IQSEC1: variants seen among roughly 807,000 people sequenced by gnomAD.
The protein encoded by IQSEC1 is IQ motif and Sec7 domain ArfGEF 1, also known as IQ motif and SEC7 domain-containing protein 1.
A neutral mutation model predicts 91.0 loss-of-function variants in IQSEC1; 31 were observed. The observed-to-expected ratio is 0.34, with a 90% CI of 0.26 to 0.46. The LOEUF is 0.46. Ranked by LOEUF, IQSEC1 falls within the 20% of genes least tolerant of loss-of-function variation. The probability of loss-of-function intolerance (pLI) is 1.00; values close to 1 mark genes in which losing one functional copy is unlikely to be tolerated. For missense variants in IQSEC1, 1,388 were observed against 1,575.6 expected (o/e 0.88, Z 2.02); for synonymous variants, 699 against 662.6 (o/e 1.05, Z -0.84).
At chr3:12,952,651 C>T (rs1221507687) in intron 1 of IQSEC1, among the ~76,000 whole-genome samples, 1 of 152,216 alleles carries the variant, frequency 6.6e-6, no homozygotes, top group Non-Finnish European at 1.5e-5. Flanking sequence ...CCTCTGAACC[C>T]CCTGGCCACT....
intron 2 of IQSEC1, among the ~76,000 whole-genome samples, chr3:13,107,080 G>A (rs1037500581): frequency 1.8e-4 from 27 of 152,208 alleles, no homozygotes; most frequent in Middle Eastern, 3.2e-3. Context: ...AACCCTGGCC[G>A]TATCTCATGG....
intron 1 of IQSEC1, among the ~76,000 whole-genome samples, chr3:13,175,734 C>G (rs140446621): frequency 6.5e-4 from 99 of 152,360 alleles, no homozygotes; most frequent in South Asian, 1.9e-3. Context: ...CCCCTAGATT[C>G]GGGATCTGGC....
chr3:13,272,107 T>C (rs914185595), intron 1 of IQSEC1, among the ~76,000 whole-genome samples: 1 of 152,182 alleles, frequency 6.6e-6, no homozygotes, highest in Admixed American at 6.5e-5. Context: ...CAAAACGGAC[T>C]GAAACTAAGA....
In IQSEC1 at chr3:13,066,131, G is replaced by T. The variant is rs141749687; in HGVS notation, c.23+6861C>A. On this transcript the variant is annotated intron_variant, in intron 1 of 13. Transcript: ENST00000613206. ...AGCACAGAGCCCTGTTTGGGAAAGT[G>T]AAGTTCTGGAGATGGATGCTGTGTT... Among the ~76,000 whole-genome samples, 562 of 152,320 alleles carry T rather than the reference G, an allele frequency of 3.7e-3. 1 individual carries two copies. Among genetic ancestry groups the T allele is most frequent in the African/African-American group, 0.013 (539 of 41,554 alleles).
At chr3:13,083,422 C>T (rs1273377963) in intron 2 of IQSEC1, among the ~76,000 whole-genome samples, 1 of 152,276 alleles carries the variant, frequency 6.6e-6, no homozygotes, top group East Asian at 1.9e-4. Context: ...CTGCCACTCA[C>T]CTGCTGTGTG....
chr3:12,986,367 G>A (rs575080208), intron 1 of IQSEC1, among the ~76,000 whole-genome samples: 19 of 152,336 alleles, frequency 1.2e-4, no homozygotes, highest in African/African-American at 4.1e-4. Flanking sequence ...TTCCCCGGGG[G>A]CCAGGAGCAG....
rs1233740061 is a variant in IQSEC1, at chr3:12,909,781, T to G, written c.2417-347A>C. On this transcript the variant is annotated intron_variant, in intron 10 of 13. Coordinates refer to ENST00000613206, the MANE Select transcript of IQSEC1 (RefSeq NM_001134382.3). The surrounding 1 kb of genome is among the most constrained non-coding windows in gnomAD (Gnocchi z 4.9). ...CTGGACAGCAGTGAGCGCCATATTCTCCCGAATGGCCTGTGGCCCACAGCT... is the reference window on the plus strand; with the variant it reads ...CTGGACAGCAGTGAGCGCCATATTCGCCCGAATGGCCTGTGGCCCACAGCT... Among the ~76,000 whole-genome samples, 4 of 152,192 alleles carry G rather than the reference T, an allele frequency of 2.6e-5. No individual in the cohort carries two copies. Among genetic ancestry groups the G allele is most frequent in the Non-Finnish European group, 4.4e-5 (3 of 68,024 alleles).
chr3:12,956,857 G>T (rs2570000), intron 1 of IQSEC1, among the ~76,000 whole-genome samples: 77,663 of 152,004 alleles, frequency 0.51, 20,412 homozygotes, highest in Non-Finnish European at 0.54. Flanking sequence ...GGGCTTCTGT[G>T]GTCTCATCTT....
chr3:12,936,536 G>A lies in IQSEC1; in HGVS notation c.480C>T (p.Asn160=). The change falls in exon 3 of 14, where the codon AAC becomes AAT. Residue 160 remains asparagine, a synonymous_variant. Transcript: ENST00000613206. The part of the protein sequence containing the change: ...NRMSRRIVLS[N]MRMQFSFEGP... The stretch of plus-strand genomic sequence containing the variant: ...CCTCAAAGGAGAACTGCATCCTCAT[G>A]TTGGACAGCACAATCCGGCGTGACA... The A allele has an allele frequency of 1.2e-6, 2 of 1,613,500 alleles. No individual in the cohort carries two copies. Among genetic ancestry groups the A allele is most frequent in the Non-Finnish European group, 1.7e-6 (2 of 1,180,030 alleles).
chr3:12,936,752 T>C, intron 2 of IQSEC1, 55 bp from the exon 3 acceptor site: 4 of 1,452,146 alleles, frequency 2.8e-6, no homozygotes, highest in Non-Finnish European at 3.7e-6. Context: ...CAGTGCGACA[T>C]TTACCAAACT....
chr3:13,107,324 A>T (rs1481266931), intron 2 of IQSEC1, among the ~76,000 whole-genome samples: 1 of 152,228 alleles, frequency 6.6e-6, no homozygotes, highest in Non-Finnish European at 1.5e-5. Flanking sequence ...TAAATTATTC[A>T]GGCAAGTTAA....
At chr3:13,269,230 C>T (rs1039826847) in intron 1 of IQSEC1, among the ~76,000 whole-genome samples, 3 of 152,188 alleles carry the variant, frequency 2.0e-5, no homozygotes, top group South Asian at 2.1e-4. Flanking sequence ...CAGGGCAGGA[C>T]GACAGCCAGG....
intron 3 of IQSEC1, among the ~76,000 whole-genome samples, chr3:12,932,255 T>G (rs1288921476): frequency 6.6e-6 from 1 of 152,184 alleles, no homozygotes; most frequent in African/African-American, 2.4e-5. Flanking sequence ...CAGGGCTGCA[T>G]GGCGTCCCAC....
rs1645514565 is a variant in IQSEC1, at chr3:12,935,724, A to G, written c.1292T>C (p.Leu431Pro). The G allele has an allele frequency of 6.2e-7, 1 of 1,611,950 alleles. No homozygotes were observed. The highest frequency in any genetic ancestry group is 1.1e-5 in the South Asian group (1 of 91,072). ...GCCATTGATGGCCAAGTGGCTGTCC[A>G]GGGGCCTGGGGGGCCGGGGCCGCAA... Reference protein sequence around the residue: ...PELRPRPPRPLDSHLAINGSA... With the variant: ...PELRPRPPRPPDSHLAINGSA... The change falls in exon 3 of 14, where the codon CTG (leucine) becomes CCG (proline). Residue 431 changes from leucine (L) to proline (P), a missense_variant. Coordinates refer to ENST00000613206, the MANE Select transcript of IQSEC1 (RefSeq NM_001134382.3). The surrounding 1 kb of genome is among the most constrained non-coding windows in gnomAD (Gnocchi z 8.0).
intron 1 of IQSEC1, among the ~76,000 whole-genome samples, chr3:13,233,945 T>C (rs922137966): frequency 2.0e-5 from 3 of 152,278 alleles, no homozygotes; most frequent in Non-Finnish European, 2.9e-5. Flanking sequence ...ATGTGCAAAC[T>C]GTTCAGACAA....
intron 12 of IQSEC1, among the ~76,000 whole-genome samples, chr3:12,907,934 G>T (rs192545971): frequency 6.6e-6 from 1 of 152,148 alleles, no homozygotes; most frequent in East Asian, 1.9e-4. Context: ...GCAAGGGGGC[G>T]CCAGACAGAT....
chr3:13,276,546 T>C (rs1165902454), intron 1 of IQSEC1, among the ~76,000 whole-genome samples: 2 of 152,108 alleles, frequency 1.3e-5, no homozygotes, highest in African/African-American at 4.8e-5. Context: ...GGGCTGTTAC[T>C]TGGAAAGTCC....
intron 1 of IQSEC1, among the ~76,000 whole-genome samples, chr3:13,268,773 T>C (rs894710006): frequency 6.6e-6 from 1 of 152,196 alleles, no homozygotes; most frequent in Non-Finnish European, 1.5e-5. Flanking sequence ...GTCGATTCAT[T>C]CAAAATATGT....
At chr3:13,118,070 A>G (rs1476621646) in intron 2 of IQSEC1, among the ~76,000 whole-genome samples, 4 of 152,190 alleles carry the variant, frequency 2.6e-5, no homozygotes, top group Non-Finnish European at 5.9e-5. Flanking sequence ...ACAGTTAATC[A>G]TAACGTATAG....
Sources: allele counts gnomAD v4.1 joint callset (sites outside exome capture counted in the v4.1 genomes callset), GRCh38; gene constraint gnomAD v4.1.1; non-coding constraint Gnocchi (gnomAD v3.1); transcripts MANE v1.5; gene names NCBI Gene and HGNC (gene_info 2026-07-23, HGNC 2026-07-21).